MAP3K20: variants seen among roughly 807,000 people sequenced by gnomAD.
MAP3K20 encodes mitogen-activated protein kinase kinase kinase 20.
In MAP3K20, 40 loss-of-function variants were observed where a neutral mutation model predicts 85.7. The ratio of observed to expected loss-of-function variants is 0.47; its 90% CI spans 0.36 to 0.61. MAP3K20 has a LOEUF of 0.61. Among genes scored for constraint, MAP3K20 ranks in the 20% least tolerant of loss-of-function variants. The pLI, the probability that MAP3K20 is intolerant of heterozygous loss-of-function variation, is 0.00. For synonymous variants in MAP3K20, 325 were observed against 327.7 expected, an observed-to-expected ratio of 0.99 and a Z score of 0.09; for missense variants, 817 against 961.7, an observed-to-expected ratio of 0.85 and a Z score of 1.99.
At chr2:173,217,386 G>C (rs1453409897) in intron 11 of MAP3K20, 136 bp downstream of exon 11, 2 of 1,050,034 alleles carry the variant, frequency 1.9e-6, no homozygotes, top group Non-Finnish European at 2.5e-6. Flanking sequence ...GTATTAAAGG[G>C]CCCGCGTGTG....
chr2:173,202,379 T>C (rs1419768194), intron 8 of MAP3K20, among the ~76,000 whole-genome samples: 2 of 152,214 alleles, frequency 1.3e-5, no homozygotes, highest in Non-Finnish European at 2.9e-5. Context: ...TGTTTCTAGC[T>C]TCTCATAGCC....
intron 1 of MAP3K20, among the ~76,000 whole-genome samples, chr2:173,089,813 T>G (rs997380627): frequency 6.6e-5 from 10 of 152,164 alleles, no homozygotes; most frequent in African/African-American, 1.4e-4. Flanking sequence ...CCTCAAGAGA[T>G]CCACCTGCCT....
chr2:173,164,122 G>A (rs1689745354), intron 2 of MAP3K20, among the ~76,000 whole-genome samples: 1 of 152,062 alleles, frequency 6.6e-6, no homozygotes, highest in South Asian at 2.1e-4. Context: ...ACCATGCCCA[G>A]CTAATTGTTG....
chr2:173,221,442 GGTT>G, intron 11 of MAP3K20: 1 of 1,613,822 alleles, frequency 6.2e-7, no homozygotes, highest in African/African-American at 1.3e-5. Context: ...ATGGCTCTGG[GGTT>G]CAGTGATTTT....
At position 173,232,381 on chromosome 2, in the gene MAP3K20, G is replaced by C; in HGVS notation, c.1125G>C (p.Gly375=). The change falls in exon 14 of 20, where the codon GGG becomes GGC. Residue 375 remains glycine, a synonymous_variant. Transcript: ENST00000375213. ...ASLFKENNIT[G]KRLLLLEEED... ...TGTTTAAAGAAAACAACATTACAGG[G>C]AAGCGGCTGCTGCTGCTGGAGGAAG... 1.2e-6 allele frequency: 2 copies of C among 1,614,252 alleles called. No individual in the cohort carries two copies. The highest frequency in any genetic ancestry group is 1.7e-6 in the Non-Finnish European group (2 of 1,180,042).
rs891541269 is a variant in MAP3K20, at chr2:173,117,876, T to C, written c.159+26686T>C. 3.3e-5 allele frequency among the ~76,000 whole-genome samples: 5 copies of C among 152,320 alleles called. No individual in the cohort carries two copies. In the East Asian group the frequency reaches 9.6e-4, roughly 29 times the overall value. The stretch of plus-strand genomic sequence containing the variant: ...TCATTCACTCATGATGAATTCATGA[T>C]GTCATTCTTTCCTGCCTATCATTCA... On this transcript the variant is annotated intron_variant, in intron 2 of 19. Coordinates refer to ENST00000375213, the MANE Select transcript of MAP3K20 (RefSeq NM_016653.3).
intron 19 of MAP3K20, among the ~76,000 whole-genome samples, chr2:173,265,748 A>G (rs1432512240): frequency 1.3e-5 from 2 of 152,222 alleles, no homozygotes; most frequent in African/African-American, 4.8e-5. Flanking sequence ...AAGCTTCCTC[A>G]TTTATAGAAT....
Position 173,239,732 on chromosome 2 carries a change from G to C in MAP3K20, c.1359+236G>C, listed in dbSNP as rs150731850. Among the ~76,000 whole-genome samples, 496 of 152,298 alleles carry C rather than the reference G, an allele frequency of 3.3e-3. 3 individuals are homozygous for C. Among genetic ancestry groups the C allele is most frequent in the Non-Finnish European group, 5.0e-3 (338 of 68,036 alleles). ...CCCATGTGAGGCCACCCAAACATCA[G>C]GGTAACTCACAGTAAAGTATGGACA... On this transcript the variant is annotated intron_variant, in intron 16 of 19. Coordinates refer to ENST00000375213, the MANE Select transcript of MAP3K20 (RefSeq NM_016653.3).
chr2:173,149,756 G>A (rs535447934), intron 2 of MAP3K20, among the ~76,000 whole-genome samples: 3 of 152,252 alleles, frequency 2.0e-5, no homozygotes, highest in African/African-American at 7.2e-5. Context: ...ACAGCCTTTC[G>A]AGGGTTGAGA....
Position 173,198,101 on chromosome 2 carries a change from G to C in MAP3K20, c.658G>C (p.Glu220Gln). Residue 220 changes from glutamate to glutamine, a missense_variant, in exon 8 of 20, where the codon GAA (glutamate) becomes CAA (glutamine). Glu to Gln is a conservative substitution (Grantham distance 29). This residue lies in a region of MAP3K20 where 200 missense variants were observed against 302.7 expected (regional missense o/e 0.66). Transcript: ENST00000375213. This position sits in a 1 kb window ranked among gnomAD's most constrained non-coding sequence, Gnocchi z 5.8. ...ATTACAAGTAGCTTGGCTTGTAGTG[G>C]AAAAAAACGAGGTAAGACTACGTTT... ...EGLQVAWLVV[E>Q]KNERLTIPSS... 6.2e-7 allele frequency: 1 copy of C among 1,612,256 alleles called. No homozygotes were observed. The highest frequency in any genetic ancestry group is 8.5e-7 in the Non-Finnish European group (1 of 1,178,984).
chr2:173,150,094 C>A (rs1689258055), intron 2 of MAP3K20, among the ~76,000 whole-genome samples: 1 of 152,182 alleles, frequency 6.6e-6, no homozygotes, highest in Admixed American at 6.5e-5. Flanking sequence ...ACAAGAATTG[C>A]CCCCATCAAA....
chr2:173,205,374 AAT>A (rs1399461316), intron 9 of MAP3K20, among the ~76,000 whole-genome samples: 2 of 152,150 alleles, frequency 1.3e-5, no homozygotes, highest in Admixed American at 6.5e-5. Context: ...GTTCTTCTAC[AAT>A]ATGTTTCTTT....
chr2:173,116,130 G>A (rs1487447106), intron 2 of MAP3K20, among the ~76,000 whole-genome samples: 1 of 152,116 alleles, frequency 6.6e-6, no homozygotes, highest in Non-Finnish European at 1.5e-5. Context: ...GGGATTACAG[G>A]TGTGAGACAT....
intron 2 of MAP3K20, among the ~76,000 whole-genome samples, chr2:173,110,012 A>T (rs1442040563): frequency 6.6e-6 from 1 of 151,342 alleles, no homozygotes; most frequent in Non-Finnish European, 1.5e-5. Context: ...TAGTTGGGGG[A>T]TGGGACGTGA....
chr2:173,225,614 A>C (rs1025829852), intron 11 of MAP3K20: 18 of 984,958 alleles, frequency 1.8e-5, no homozygotes, highest in South Asian at 4.7e-5. Flanking sequence ...AAAAACAAAA[A>C]AAAACAACCC....
At chr2:173,105,394 G>A (rs138649144) in intron 2 of MAP3K20, among the ~76,000 whole-genome samples, 5 of 152,280 alleles carry the variant, frequency 3.3e-5, no homozygotes, top group Admixed American at 2.0e-4. Context: ...GTGCGTGGGC[G>A]CAAGGGAAAT....
Position 173,198,033 on chromosome 2 carries a change from G to T in MAP3K20, c.590G>T (p.Trp197Leu). The change falls in exon 8 of 20, where the codon TGG becomes TTG. Residue 197 changes from tryptophan (W) to leucine (L), a missense_variant. Physicochemically the swap from Trp to Leu is moderately conservative, Grantham distance 61 (BLOSUM62 -2). Coordinates refer to ENST00000375213, the MANE Select transcript of MAP3K20 (RefSeq NM_016653.3). This position sits in a 1 kb window ranked among gnomAD's most constrained non-coding sequence, Gnocchi z 5.8. ...ATTTTCTTTTTGTTCCAGGTTCTCT[G>T]GGAGATGCTAACAAGGGAGGTCCCC... ...CDTYSYGVVLWEMLTREVPFK... is the reference protein window; with the variant it reads ...CDTYSYGVVLLEMLTREVPFK... 6.2e-7 allele frequency: 1 copy of T among 1,611,342 alleles called. No individual in the cohort carries two copies. The highest frequency in any genetic ancestry group is 1.1e-5 in the South Asian group (1 of 90,534).
chr2:173,109,811 G>A (rs1023235258), intron 2 of MAP3K20, among the ~76,000 whole-genome samples: 1 of 152,138 alleles, frequency 6.6e-6, no homozygotes, highest in African/African-American at 2.4e-5. Context: ...GAGCCCGTTT[G>A]TAGAATTCTT....
intron 7 of MAP3K20, 132 bp from the exon 8 acceptor site, chr2:173,197,894 G>T: frequency 1.7e-6 from 1 of 572,090 alleles, no homozygotes; most frequent in Non-Finnish European, 2.9e-6. Flanking sequence ...TAATTGTTTT[G>T]CCCAAGTTTC....
Sources: allele counts gnomAD v4.1 joint callset (sites outside exome capture counted in the v4.1 genomes callset), GRCh38; gene constraint gnomAD v4.1.1; regional missense constraint gnomAD v4.1.1; non-coding constraint Gnocchi (gnomAD v3.1); transcripts MANE v1.5; gene names NCBI Gene and HGNC (gene_info 2026-07-23, HGNC 2026-07-21).